Variants in MAPK14 observed in about 807,000 individuals in gnomAD.
The protein encoded by MAPK14 is mitogen-activated protein kinase 14.
Under a neutral mutation model 49.6 loss-of-function variants are expected in MAPK14, and 16 were observed. The ratio of observed to expected loss-of-function variants is 0.32; its 90% confidence interval spans 0.22 to 0.49. The LOEUF (loss-of-function observed/expected upper bound fraction) is 0.49. Ranked by LOEUF, MAPK14 falls within the 20% of genes least tolerant of loss-of-function variation. MAPK14 has a pLI of 0.99. For missense variants in MAPK14, 200 were observed against 441.2 expected, an observed-to-expected ratio of 0.45 and a Z score of 4.90; for synonymous variants, 142 against 158.0, an observed-to-expected ratio of 0.90 and a Z score of 0.76.
chr6:36,115,170 A>C (rs973464365), downstream of MAPK14, among the ~76,000 whole-genome samples: 15 of 152,220 alleles, frequency 9.9e-5, no homozygotes, highest in African/African-American at 3.6e-4. Flanking sequence ...CAATTTAAGG[A>C]AGGTGCTTTG....
At chr6:36,105,230 GTATT>G (rs1765765871) in intron 10 of MAPK14, among the ~76,000 whole-genome samples, 1 of 152,014 alleles carries the variant, frequency 6.6e-6, no homozygotes, top group African/African-American at 2.4e-5. Context: ...GTTAGTGTAT[GTATT>G]TATCTGTCAA....
At chr6:36,059,976 T>C (rs1269055064) in intron 3 of MAPK14, among the ~76,000 whole-genome samples, 1 of 152,254 alleles carries the variant, frequency 6.6e-6, no homozygotes, top group Admixed American at 6.5e-5. Context: ...GGGCAGACTC[T>C]ACCTGTTGAG....
intron 10 of MAPK14, among the ~76,000 whole-genome samples, chr6:36,103,448 T>A (rs1400422816): frequency 6.6e-6 from 1 of 152,054 alleles, no homozygotes. Context: ...CCAGTGATCC[T>A]CCTGCCTCAG....
At chr6:36,053,452 A>C (rs1373411798) in intron 2 of MAPK14, among the ~76,000 whole-genome samples, 3 of 152,098 alleles carry the variant, frequency 2.0e-5, no homozygotes, top group Admixed American at 2.0e-4. Context: ...TTCAGTTGCC[A>C]TTCTGCAAAG....
chr6:36,081,489 G>C (rs1764759128), intron 8 of MAPK14, among the ~76,000 whole-genome samples: 1 of 152,040 alleles, frequency 6.6e-6, no homozygotes, highest in Non-Finnish European at 1.5e-5. Flanking sequence ...TTTCTCCTTT[G>C]TTTTTTGTTT....
chr6:36,028,343 C>T lies in MAPK14; in HGVS notation c.116+70C>T. ...TCGCGCCCGAGGGCCAGGCCTGCTCCACTGCTCAGCGTTGCGTCAAGTGGC... is the reference window on the plus strand; with the variant it reads ...TCGCGCCCGAGGGCCAGGCCTGCTCTACTGCTCAGCGTTGCGTCAAGTGGC... On this transcript the variant is annotated intron_variant, in intron 1 of 11. Coordinates refer to ENST00000229794, the MANE Select transcript of MAPK14 (RefSeq NM_139012.3). The surrounding 1 kb of genome is among the most constrained non-coding windows in gnomAD (Gnocchi z 5.1). 9.3e-7 allele frequency: 1 copy of T among 1,079,084 alleles called. No individual in the cohort carries two copies. The highest frequency in any genetic ancestry group is 1.4e-6 in the Non-Finnish European group (1 of 704,326). The allele number at this position is 1,079,084 out of a possible 1,614,324, so 66.8% of individuals were successfully genotyped here.
intron 8 of MAPK14, chr6:36,092,463 G>A (rs9380546): frequency 0.13 from 80,586 of 639,444 alleles, 9,409 homozygotes; most frequent in East Asian, 0.51. Flanking sequence ...AGGGATGACC[G>A]CTACATCATC....
At chr6:36,078,133 A>C (rs981510029) in intron 8 of MAPK14, among the ~76,000 whole-genome samples, 1 of 152,236 alleles carries the variant, frequency 6.6e-6, no homozygotes, top group African/African-American at 2.4e-5. Context: ...TCCTGGATTT[A>C]GATCTTAGCT....
chr6:36,119,100 A>T, the MAPK14 span, among the ~76,000 whole-genome samples: 10 of 152,244 alleles, frequency 6.6e-5, no homozygotes, highest in African/African-American at 1.9e-4. Flanking sequence ...AGATTGGCAT[A>T]ACTCCAAGAA....
At chr6:36,120,735 C>T in the MAPK14 span, among the ~76,000 whole-genome samples, 22 of 152,158 alleles carry the variant, frequency 1.4e-4, no homozygotes, top group Non-Finnish European at 2.9e-4. Flanking sequence ...CACCTGCCGA[C>T]GACAGTGTTG....
chr6:36,106,897 C>G (rs1169346312), intron 10 of MAPK14, among the ~76,000 whole-genome samples: 3 of 150,806 alleles, frequency 2.0e-5, no homozygotes, highest in Admixed American at 2.0e-4. Flanking sequence ...AGTAAATAAA[C>G]AGCTTAGGGG....
chr6:36,066,287 G>C (rs1191907163), intron 3 of MAPK14, among the ~76,000 whole-genome samples: 2 of 152,132 alleles, frequency 1.3e-5, no homozygotes, highest in Non-Finnish European at 2.9e-5. Flanking sequence ...CTGATCTAAG[G>C]CTATGATTAT....
At chr6:36,080,579 G>C (rs370403944) in intron 8 of MAPK14, among the ~76,000 whole-genome samples, 1 of 152,232 alleles carries the variant, frequency 6.6e-6, no homozygotes, top group East Asian at 1.9e-4. Context: ...CCCACATTTT[G>C]TTGACCTGTT....
intron 9 of MAPK14, chr6:36,096,900 G>A (rs537065075): frequency 1.3e-5 from 2 of 152,346 alleles, no homozygotes; most frequent in South Asian, 4.1e-4. Context: ...AGCCATGAAA[G>A]CCCAGCTTTT....
chr6:36,070,737 A>G (rs934289542), intron 3 of MAPK14, among the ~76,000 whole-genome samples: 2 of 152,200 alleles, frequency 1.3e-5, no homozygotes, highest in Admixed American at 6.5e-5. Context: ...CAGCCCTACC[A>G]GGAAATTATG....
At chr6:36,063,770 T>C (rs1763925917) in intron 3 of MAPK14, among the ~76,000 whole-genome samples, 1 of 152,202 alleles carries the variant, frequency 6.6e-6, no homozygotes, top group South Asian at 2.1e-4. Flanking sequence ...TTGGAAAATG[T>C]AGTGTTAAAA....
At chr6:36,091,844 CTT>C (rs1185804651) in intron 8 of MAPK14, 41 of 124,842 alleles carry the variant, frequency 3.3e-4, no homozygotes, top group South Asian at 7.0e-4. Flanking sequence ...CTTTTCTTTT[CTT>C]TTTTTTTTTT....
downstream of MAPK14, among the ~76,000 whole-genome samples, chr6:36,114,973 A>G (rs1766035737): frequency 1.3e-5 from 2 of 152,156 alleles, no homozygotes; most frequent in Middle Eastern, 3.2e-3. Context: ...CTGTCTTGTT[A>G]GGGGGAGTTT....
intron 9 of MAPK14, among the ~76,000 whole-genome samples, chr6:36,099,487 C>T (rs1021530269): frequency 1.3e-5 from 2 of 152,198 alleles, no homozygotes; most frequent in Admixed American, 6.5e-5. Context: ...TTAGTCTGTT[C>T]GCTAGTTGAA....
Sources: gnomAD v4.1 joint callset for allele counts (sites outside exome capture counted in the v4.1 genomes callset) on GRCh38, gnomAD v4.1.1 for gene constraint, Gnocchi (gnomAD v3.1) non-coding constraint, MANE v1.5 for transcripts, NCBI Gene and HGNC (gene_info 2026-07-23, HGNC 2026-07-21) for gene names.